The following GPC6 variants were observed in gnomAD, a reference collection of about 807,000 sequenced individuals.
GPC6 encodes glypican 6, also known as glypican-6.
A neutral mutation model predicts 55.2 loss-of-function variants in GPC6; 14 were observed. That is an observed-to-expected ratio of 0.25 (90% CI 0.17 to 0.40). The LOEUF is 0.40. GPC6 is among the 10% of genes least tolerant of loss of function. The probability of loss-of-function intolerance (pLI) is 1.00; values close to 1 mark genes in which losing one functional copy is unlikely to be tolerated. For synonymous variants in GPC6, 278 were observed against 259.6 expected (o/e 1.07, Z -0.68); for missense variants, 641 against 708.5 (o/e 0.90, Z 1.08).
At chr13:93,773,314 A>T (rs954570432) in intron 2 of GPC6, among the ~76,000 whole-genome samples, 4 of 152,174 alleles carry the variant, frequency 2.6e-5, no homozygotes, top group African/African-American at 9.7e-5. Context: ...ATAAGTTAAC[A>T]TGAAGGCATA....
chr13:93,984,903 T>G (rs983738154), intron 3 of GPC6, among the ~76,000 whole-genome samples: 5 of 152,142 alleles, frequency 3.3e-5, no homozygotes, highest in Non-Finnish European at 4.4e-5. Context: ...TTATATATAG[T>G]TTAAATAAGG....
At chr13:93,492,415 T>C (rs1880054037) in intron 1 of GPC6, among the ~76,000 whole-genome samples, 1 of 149,222 alleles carries the variant, frequency 6.7e-6, no homozygotes. Context: ...CTTAAGGAGA[T>C]TTTGGGCTGA....
At chr13:93,393,051 T>G in intron 1 of GPC6, among the ~76,000 whole-genome samples, 1 of 150,542 alleles carries the variant, frequency 6.6e-6, no homozygotes, top group East Asian at 2.0e-4. Flanking sequence ...ATTTGAGAGA[T>G]ATAGATAGAT....
intron 3 of GPC6, among the ~76,000 whole-genome samples, chr13:93,955,515 GA>G (rs1396108858): frequency 6.6e-6 from 1 of 151,932 alleles, no homozygotes; most frequent in African/African-American, 2.4e-5. Context: ...CCACCTACAT[GA>G]AAAACAGAGT....
At chr13:93,513,598 A>G (rs989035580) in intron 1 of GPC6, among the ~76,000 whole-genome samples, 8 of 152,212 alleles carry the variant, frequency 5.3e-5, no homozygotes, top group African/African-American at 1.9e-4. Context: ...ATTCTAAAAT[A>G]AAAGCCTGGA....
At chr13:94,326,618 G>A (rs554268579) in intron 6 of GPC6, among the ~76,000 whole-genome samples, 4 of 152,188 alleles carry the variant, frequency 2.6e-5, no homozygotes, top group South Asian at 2.1e-4. Flanking sequence ...CAAGATGTTC[G>A]GTTTGTTACC....
At chr13:94,382,919 C>A (rs996362851) in intron 7 of GPC6, among the ~76,000 whole-genome samples, 1 of 151,928 alleles carries the variant, frequency 6.6e-6, no homozygotes, top group Admixed American at 6.6e-5. Flanking sequence ...CTCTTTTTTT[C>A]ATCAAAAGTT....
At chr13:93,577,218 C>T (rs1347052212) in intron 2 of GPC6, among the ~76,000 whole-genome samples, 14 of 152,128 alleles carry the variant, frequency 9.2e-5, no homozygotes, top group Admixed American at 9.2e-4. Context: ...CAAGTCAAAT[C>T]CCTTTTGCTT....
intron 1 of GPC6, among the ~76,000 whole-genome samples, chr13:93,516,474 C>T (rs562590870): frequency 7.2e-4 from 110 of 152,078 alleles, no homozygotes; most frequent in African/African-American, 2.7e-3. Flanking sequence ...GGAAGTGGGG[C>T]ACAGGTACAA....
At chr13:93,903,007 T>A (rs932501688) in intron 3 of GPC6, among the ~76,000 whole-genome samples, 7 of 152,186 alleles carry the variant, frequency 4.6e-5, no homozygotes, top group African/African-American at 1.7e-4. Context: ...TAAATTGTGC[T>A]GCAAAAACTG....
chr13:93,784,092 A>C (rs145025404), intron 2 of GPC6, among the ~76,000 whole-genome samples: 2 of 152,180 alleles, frequency 1.3e-5, no homozygotes, highest in Non-Finnish European at 2.9e-5. Flanking sequence ...AGGTACTGCT[A>C]TGTACATAAA....
At position 93,887,044 on chromosome 13, in the gene GPC6, G is replaced by A. The variant is rs370640623; in HGVS notation, c.711+56499G>A. 7.4e-4 allele frequency among the ~76,000 whole-genome samples: 112 copies of A among 151,882 alleles called. 3 individuals are homozygous for A. The South Asian group carries it at 0.021, about 29-fold the overall frequency. On this transcript the variant is annotated intron_variant, in intron 3 of 8. Transcript: ENST00000377047. ...GTTTCCAAAGTGGAAGAGTCCAAAT[G>A]TTTAGACACTGGATTATCTGTTTAG...
chr13:93,758,417 C>G (rs1884849692), intron 2 of GPC6, among the ~76,000 whole-genome samples: 1 of 152,060 alleles, frequency 6.6e-6, no homozygotes, highest in Admixed American at 6.6e-5. Context: ...TGAGTACAGT[C>G]TTTCCTCTCT....
chr13:93,495,207 G>A (rs2139363467), intron 1 of GPC6, among the ~76,000 whole-genome samples: 1 of 129,278 alleles, frequency 7.7e-6, no homozygotes, highest in Non-Finnish European at 1.7e-5. Context: ...ATATTTCTTG[G>A]AGGCTTTGCT....
chr13:93,676,127 ATAT>A (rs1361407438), intron 2 of GPC6, among the ~76,000 whole-genome samples: 215 of 10,490 alleles, frequency 0.02, 1 homozygote, highest in South Asian at 0.024. Context: ...AAAAAAAAAA[ATAT>A]ATATATATAT....
chr13:94,319,587 G>A lies in GPC6; in HGVS notation c.1152+13464G>A, dbSNP rs538663649. Among the ~76,000 whole-genome samples, 5 of 152,296 alleles carry A rather than the reference G, an allele frequency of 3.3e-5. No homozygotes were observed. In the East Asian group the frequency reaches 7.7e-4, roughly 24 times the overall value. On this transcript the variant is annotated intron_variant, in intron 6 of 8. Transcript: ENST00000377047. ...CCTTGGTCTGGAATACACATTATAA[G>A]TTTTCCTTTACTGAGAGTTTTATTT...
At position 94,402,409 on chromosome 13, in the gene GPC6, T is replaced by C. The variant is rs79617396; in HGVS notation, c.1466-606T>C. 1.1e-4 allele frequency among the ~76,000 whole-genome samples: 16 copies of C among 152,248 alleles called. No individual in the cohort carries two copies. The East Asian group carries it at 3.1e-3, about 29-fold the overall frequency. The stretch of plus-strand genomic sequence containing the variant: ...GTCTGGGGTTCACACATTCCTTGGG[T>C]TGCATAACTCAGGTATCAGTTGATA... On this transcript the variant is annotated intron_variant, in intron 8 of 8. Transcript: ENST00000377047.
chr13:94,032,698 G>C (rs1242226604), intron 4 of GPC6, among the ~76,000 whole-genome samples: 1 of 152,180 alleles, frequency 6.6e-6, no homozygotes, highest in Admixed American at 6.5e-5. Flanking sequence ...TGTTGTGGGG[G>C]AAGCCAGCAA....
chr13:94,367,841 T>C (rs1053401179), intron 6 of GPC6, among the ~76,000 whole-genome samples: 1 of 151,082 alleles, frequency 6.6e-6, no homozygotes, highest in South Asian at 2.1e-4. Flanking sequence ...CATGTGTTTG[T>C]CAACTTGGGA....
Sources: gnomAD v4.1 joint callset for allele counts (sites outside exome capture counted in the v4.1 genomes callset) on GRCh38, gnomAD v4.1.1 for gene constraint, MANE v1.5 for transcripts, NCBI Gene and HGNC (gene_info 2026-07-23, HGNC 2026-07-21) for gene names.